RBM19: variants seen among roughly 807,000 people sequenced by gnomAD.
RBM19 encodes the protein RNA binding motif protein 19.
Under a neutral mutation model 116.8 loss-of-function variants are expected in RBM19, and 94 were observed. The ratio of observed to expected loss-of-function variants is 0.80; its 90% CI spans 0.68 to 0.95. RBM19 has a LOEUF of 0.95. Ranked by LOEUF, RBM19 falls within the 40% of genes least tolerant of loss-of-function variation. The pLI, the probability that RBM19 is intolerant of heterozygous loss-of-function variation, is 0.00. For synonymous variants in RBM19, 475 were observed against 494.1 expected (o/e 0.96, Z 0.51); for missense variants, 1,161 against 1,220.7 (o/e 0.95, Z 0.73).
chr12:113,882,270 T>C (rs1880195140), intron 21 of RBM19, among the ~76,000 whole-genome samples: 1 of 152,192 alleles, frequency 6.6e-6, no homozygotes, highest in Non-Finnish European at 1.5e-5. Context: ...GAGGACATGG[T>C]TCTCTCTGTC....
intron 21 of RBM19, among the ~76,000 whole-genome samples, chr12:113,906,138 G>C (rs1882027309): frequency 6.6e-6 from 1 of 152,188 alleles, no homozygotes; most frequent in African/African-American, 2.4e-5. Context: ...ACTCTACAGG[G>C]ACACATGCAT....
intron 23 of RBM19, among the ~76,000 whole-genome samples, chr12:113,826,306 T>C (rs530150776): frequency 6.6e-6 from 1 of 152,362 alleles, no homozygotes; most frequent in South Asian, 2.1e-4. Context: ...ACATCTGCTC[T>C]AGGAGGGCAG....
At chr12:113,874,541 GGTCT>G (rs1156663661) in intron 21 of RBM19, among the ~76,000 whole-genome samples, 4 of 152,198 alleles carry the variant, frequency 2.6e-5, no homozygotes, top group East Asian at 3.9e-4. Context: ...CTTGCGTGTG[GGTCT>G]GTCTGACTGT....
intron 1 of RBM19, 39 bp downstream of exon 1, chr12:113,966,153 G>C (rs1183367703): frequency 1.2e-6 from 2 of 1,613,756 alleles, no homozygotes; most frequent in Non-Finnish European, 1.7e-6. Context: ...CTCCCGGCTG[G>C]TCTCATTTCA....
At chr12:113,910,407 A>C (rs910362189) in intron 21 of RBM19, among the ~76,000 whole-genome samples, 1 of 152,200 alleles carries the variant, frequency 6.6e-6, no homozygotes, top group Non-Finnish European at 1.5e-5. Flanking sequence ...GCCTGGCGCA[A>C]AAGAAAAATC....
chr12:113,902,326 G>A (rs926242040), intron 21 of RBM19, among the ~76,000 whole-genome samples: 1 of 152,156 alleles, frequency 6.6e-6, no homozygotes, highest in Non-Finnish European at 1.5e-5. Flanking sequence ...ATAGAGCTGT[G>A]TGTGGTGGCT....
At chr12:113,947,243 C>T (rs1381200521) in intron 11 of RBM19, 91 bp downstream of exon 11, 29 of 1,419,394 alleles carry the variant, frequency 2.0e-5, no homozygotes, top group Admixed American at 1.8e-4. Context: ...AGTGGACGCC[C>T]GTGTCCACAC....
chr12:113,927,502 C>A (rs1869195389), intron 16 of RBM19: 2 of 356,510 alleles, frequency 5.6e-6, no homozygotes, highest in African/African-American at 4.2e-5. Context: ...AGGACCAGCT[C>A]ACACTAATTT....
At chr12:113,823,646 C>T (rs906787032) in intron 23 of RBM19, among the ~76,000 whole-genome samples, 2 of 152,098 alleles carry the variant, frequency 1.3e-5, no homozygotes, top group African/African-American at 4.8e-5. Context: ...CTCGCACCCC[C>T]AGAAACTCTC....
intron 16 of RBM19, among the ~76,000 whole-genome samples, chr12:113,931,836 C>T (rs1259183951): frequency 6.6e-6 from 1 of 152,120 alleles, no homozygotes; most frequent in Non-Finnish European, 1.5e-5. Flanking sequence ...AGCCTGGGCC[C>T]AACCACTCGC....
chr12:113,882,459 TTCC>T (rs146272998), intron 21 of RBM19, among the ~76,000 whole-genome samples: 6,701 of 152,296 alleles, frequency 0.044, 358 homozygotes, highest in Admixed American at 0.15. Flanking sequence ...TAGAAAACTC[TTCC>T]TCCTCCAAGG....
intron 16 of RBM19, among the ~76,000 whole-genome samples, chr12:113,936,317 T>C (rs1870058235): frequency 6.6e-6 from 1 of 152,208 alleles, no homozygotes; most frequent in African/African-American, 2.4e-5. Context: ...GATGTGGTCA[T>C]GGTCCTTAGA....
chr12:113,916,044 T>G (rs879098186), intron 20 of RBM19, among the ~76,000 whole-genome samples: 1 of 152,156 alleles, frequency 6.6e-6, no homozygotes, highest in African/African-American at 2.4e-5. Flanking sequence ...TTTTTTGTCT[T>G]GTCATTCTGG....
intron 22 of RBM19, among the ~76,000 whole-genome samples, chr12:113,845,986 T>A (rs1370543336): frequency 6.6e-6 from 1 of 152,214 alleles, no homozygotes; most frequent in Non-Finnish European, 1.5e-5. Flanking sequence ...GGGACAAAAA[T>A]GAGTTAACAG....
At chr12:113,835,290 A>T (rs1400868348) in intron 23 of RBM19, among the ~76,000 whole-genome samples, 1 of 152,138 alleles carries the variant, frequency 6.6e-6, no homozygotes, top group Non-Finnish European at 1.5e-5. Context: ...TTTTCACCCC[A>T]CAAATGGTCA....
At chr12:113,872,577 G>C (rs1450049031) in intron 21 of RBM19, among the ~76,000 whole-genome samples, 45 of 109,322 alleles carry the variant, frequency 4.1e-4, no homozygotes, top group African/African-American at 1.1e-3. Flanking sequence ...GGTGGGGGGG[G>C]GTCAGCCCCC....
chr12:113,932,200 ACT>A (rs768157640), intron 16 of RBM19, among the ~76,000 whole-genome samples: 30 of 152,040 alleles, frequency 2.0e-4, no homozygotes, highest in African/African-American at 6.5e-4. Context: ...AGTCATGCAA[ACT>A]CTCTGTGCTT....
chr12:113,928,688 G>A (rs996002499), intron 16 of RBM19, among the ~76,000 whole-genome samples: 15 of 146,750 alleles, frequency 1.0e-4, no homozygotes, highest in Non-Finnish European at 1.6e-4. Flanking sequence ...TTGGGAACAG[G>A]GAGACTAGAC....
At chr12:113,845,921 T>G (rs1259560731) in intron 22 of RBM19, among the ~76,000 whole-genome samples, 3 of 152,248 alleles carry the variant, frequency 2.0e-5, no homozygotes, top group Non-Finnish European at 4.4e-5. Flanking sequence ...TCCTGGACTC[T>G]GTTTCCTTAT....
Sources: gnomAD v4.1 joint callset for allele counts (sites outside exome capture counted in the v4.1 genomes callset) on GRCh38, gnomAD v4.1.1 for gene constraint, MANE v1.5 for transcripts, NCBI Gene and HGNC (gene_info 2026-07-23, HGNC 2026-07-21) for gene names.